The following ADD3 variants were observed in gnomAD, a reference collection of about 807,000 sequenced individuals.
The protein encoded by ADD3 is gamma-adducin.
In ADD3, 25 loss-of-function variants were observed where a neutral mutation model predicts 80.2. The ratio of observed to expected loss-of-function variants is 0.31; its 90% CI spans 0.23 to 0.44. The LOEUF is 0.44. ADD3 is among the 20% of genes least tolerant of loss of function. The pLI, the probability that ADD3 is intolerant of heterozygous loss-of-function variation, is 1.00. For synonymous variants in ADD3, 284 were observed against 289.6 expected (o/e 0.98, Z 0.20); for missense variants, 829 against 847.5 (o/e 0.98, Z 0.27).
At chr10:110,076,108 A>G (rs921555935) in intron 1 of ADD3, among the ~76,000 whole-genome samples, 1 of 152,160 alleles carries the variant, frequency 6.6e-6, no homozygotes, top group Non-Finnish European at 1.5e-5. Context: ...TATGTAAACA[A>G]TTACATAGTT....
chr10:110,030,197 C>T lies in ADD3; in HGVS notation c.-30+21898C>T, dbSNP rs1018127859. Among the ~76,000 whole-genome samples, 6 of 151,094 alleles carry T rather than the reference C, an allele frequency of 4.0e-5. 1 individual carries two copies. Among genetic ancestry groups the T allele is most frequent in the African/African-American group, 4.8e-5 (2 of 41,322 alleles). On this transcript the variant is annotated intron_variant, in intron 1 of 14. Coordinates refer to ENST00000356080, the MANE Select transcript of ADD3 (RefSeq NM_016824.5). Reference sequence around the variant, plus strand: ...AATTAGCCGGGCATGGTGGCACATGCTTGTAATCCCAGCTACTAGGGAGGC... The same window carrying T: ...AATTAGCCGGGCATGGTGGCACATGTTTGTAATCCCAGCTACTAGGGAGGC...
intron 2 of ADD3, among the ~76,000 whole-genome samples, chr10:110,108,011 G>A (rs1437610027): frequency 1.3e-5 from 2 of 152,078 alleles, no homozygotes; most frequent in African/African-American, 2.4e-5. Flanking sequence ...AGAAGACATA[G>A]TTTATGCCAT....
intron 1 of ADD3, among the ~76,000 whole-genome samples, chr10:110,015,817 T>TA (rs1233653146): frequency 2.0e-5 from 3 of 152,188 alleles, no homozygotes; most frequent in Non-Finnish European, 2.9e-5. Flanking sequence ...CATAGCTAAA[T>TA]ACCTTAGTAA....
chr10:110,037,471 G>C (rs973490208), intron 1 of ADD3, among the ~76,000 whole-genome samples: 1 of 151,926 alleles, frequency 6.6e-6, no homozygotes, highest in African/African-American at 2.4e-5. Context: ...CAGGCGTGGT[G>C]GTGGGCACCT....
At chr10:110,014,435 A>T (rs1414909258) in intron 1 of ADD3, among the ~76,000 whole-genome samples, 1 of 152,212 alleles carries the variant, frequency 6.6e-6, no homozygotes, top group Non-Finnish European at 1.5e-5. Context: ...AATGAAGTTG[A>T]TGCATTGTTC....
chr10:110,052,859 G>A (rs1857680717), intron 1 of ADD3, among the ~76,000 whole-genome samples: 1 of 152,184 alleles, frequency 6.6e-6, no homozygotes, highest in Non-Finnish European at 1.5e-5. Flanking sequence ...AGTAGAAAAG[G>A]TGAATTTCCT....
chr10:110,063,728 ATATATTCAT>A (rs1166543584), intron 1 of ADD3, among the ~76,000 whole-genome samples: 10 of 106,994 alleles, frequency 9.3e-5, no homozygotes, highest in Admixed American at 1.7e-4. Context: ...ATATGAATAT[ATATATTCAT>A]TATATATATA....
intron 1 of ADD3, among the ~76,000 whole-genome samples, chr10:110,073,145 T>G (rs1360738447): frequency 7.0e-6 from 1 of 143,712 alleles, no homozygotes; most frequent in Non-Finnish European, 1.5e-5. Context: ...TTTCTTTTTT[T>G]TTTTTTTTTT....
In ADD3 at chr10:110,023,551, C is replaced by T. The variant is rs113466628; in HGVS notation, c.-30+15252C>T. ...GAAGAAATATATAGTCACTGAGGGTCGAAATCTAAATGTGGCATTTGACTC... is the reference window on the plus strand; with the variant it reads ...GAAGAAATATATAGTCACTGAGGGTTGAAATCTAAATGTGGCATTTGACTC... On this transcript the variant is annotated intron_variant, in intron 1 of 14. Transcript: ENST00000356080. Among the ~76,000 whole-genome samples, 760 of 152,226 alleles carry T rather than the reference C, an allele frequency of 5.0e-3. 4 individuals are homozygous for T. Among genetic ancestry groups the T allele is most frequent in the South Asian group, 0.011 (54 of 4,822 alleles).
At position 110,010,161 on chromosome 10, in the gene ADD3, C is replaced by T. The variant is rs114059617; in HGVS notation, c.-30+1862C>T. 6.2e-3 allele frequency among the ~76,000 whole-genome samples: 947 copies of T among 152,194 alleles called. 11 individuals carry two copies. The highest frequency in any genetic ancestry group is 0.022 in the African/African-American group (906 of 41,526). ...TGAGACCAAGAGAACATAACATCAG[C>T]AACAGCCCAACTCCTACACACAATC... On this transcript the variant is annotated intron_variant, in intron 1 of 14. Transcript: ENST00000356080.
Position 110,100,650 on chromosome 10 carries a change from A to G in ADD3, c.-4A>G, listed in dbSNP as rs1848707166. The G allele has an allele frequency of 6.3e-7, 1 of 1,598,754 alleles. No individual in the cohort carries two copies. Reference sequence around the variant, plus strand: ...ATAACAAGAGTAATCCACAGACTTAAAACATGAGCTCAGATGCCAGCCAAG... The same window carrying G: ...ATAACAAGAGTAATCCACAGACTTAGAACATGAGCTCAGATGCCAGCCAAG... On this transcript the variant is annotated 5_prime_UTR_variant, in exon 2 of 15. Coordinates refer to ENST00000356080, the MANE Select transcript of ADD3 (RefSeq NM_016824.5).
chr10:110,011,344 G>A (rs543801329), intron 1 of ADD3, among the ~76,000 whole-genome samples: 9 of 152,328 alleles, frequency 5.9e-5, no homozygotes, highest in African/African-American at 2.2e-4. Flanking sequence ...TCAAGGAACT[G>A]TGTGTTGCTG....
chr10:110,026,287 T>G (rs2133135429), intron 1 of ADD3, among the ~76,000 whole-genome samples: 1 of 151,764 alleles, frequency 6.6e-6, no homozygotes, highest in South Asian at 2.1e-4. Flanking sequence ...TTCTTGTTTT[T>G]TTTTTTTTTT....
chr10:110,006,319 TTC>T (rs1235836076), upstream of ADD3, among the ~76,000 whole-genome samples: 1 of 152,224 alleles, frequency 6.6e-6, no homozygotes, highest in Non-Finnish European at 1.5e-5. Context: ...GAGGACTATA[TTC>T]TGATAGGTGC....
chr10:110,092,249 A>G lies in ADD3; in HGVS notation c.-29-8376A>G, dbSNP rs368223918. Among the ~76,000 whole-genome samples the G allele has an allele frequency of 2.6e-5, 4 of 152,184 alleles. No individual in the cohort carries two copies. The East Asian group carries it at 7.7e-4, about 29-fold the overall frequency. On this transcript the variant is annotated intron_variant, in intron 1 of 14. Transcript: ENST00000356080. ...CCAAAGGAATATAAATTATTCTACC[A>G]AAAAGACACAAGCGCAAATATGTTC...
At chr10:110,076,127 G>A (rs1447333777) in intron 1 of ADD3, among the ~76,000 whole-genome samples, 1 of 151,982 alleles carries the variant, frequency 6.6e-6, no homozygotes, top group African/African-American at 2.4e-5. Flanking sequence ...TTTTTTATAT[G>A]CTTATTTTAC....
intron 1 of ADD3, among the ~76,000 whole-genome samples, chr10:110,080,422 G>A (rs1265564208): frequency 6.6e-6 from 1 of 152,186 alleles, no homozygotes; most frequent in African/African-American, 2.4e-5. Context: ...AACATCTATT[G>A]TATATATTGT....
Position 110,073,138 on chromosome 10 carries a change from C to CTTTTTTTTTTTTTT in ADD3, c.-29-27479_-29-27466dup, listed in dbSNP as rs1189793476. On this transcript the variant is annotated intron_variant, in intron 1 of 14. Coordinates refer to ENST00000356080, the MANE Select transcript of ADD3 (RefSeq NM_016824.5). ...CTTAACCTCTTTGAGTTTTAGTTTT[C>CTTTTTTTTTTTTTT]TTTTTTTTTTTTTTTTTTTTTCGAG... Among the ~76,000 whole-genome samples, 16 of 94,222 alleles carry CTTTTTTTTTTTTTT rather than the reference C, an allele frequency of 1.7e-4. 3 individuals carry two copies. The highest frequency in any genetic ancestry group is 7.2e-4 in the African/African-American group (16 of 22,072). The allele number at this position is 94,222 out of a possible 152,430, so 61.8% of individuals were successfully genotyped here.
intron 1 of ADD3, among the ~76,000 whole-genome samples, chr10:110,071,709 A>G (rs1052019586): frequency 1.3e-5 from 2 of 152,236 alleles, no homozygotes; most frequent in African/African-American, 4.8e-5. Context: ...AGTCAAAGCC[A>G]TATTATGTCT....
Sources: allele counts gnomAD v4.1 joint callset (sites outside exome capture counted in the v4.1 genomes callset), GRCh38; gene constraint gnomAD v4.1.1; transcripts MANE v1.5; gene names NCBI Gene and HGNC (gene_info 2026-07-23, HGNC 2026-07-21).